SPI1: variants seen among roughly 807,000 people sequenced by gnomAD.
SPI1 encodes Spi-1 proto-oncogene.
SPI1 carries 3 observed loss-of-function variants against 30.7 expected under a neutral mutation model. The ratio of observed to expected loss-of-function variants is 0.10; its 90% CI spans 0.04 to 0.25. The LOEUF (loss-of-function observed/expected upper bound fraction) is 0.25. SPI1 is among the 10% of genes least tolerant of loss of function. The pLI is 1.00. For synonymous variants in SPI1, 169 were observed against 157.1 expected, an observed-to-expected ratio of 1.08 and a Z score of -0.56; for missense variants, 261 against 371.5, an observed-to-expected ratio of 0.70 and a Z score of 2.45.
rs371396849 is a variant in SPI1 at position 47,355,016 on chromosome 11, G to C, written c.*211C>G. On this transcript the variant is annotated 3_prime_UTR_variant, in exon 5 of 5. Transcript: ENST00000378538. ...CCCGGTGGGGTCTGACGCCCAGCTG[G>C]CGTCCGGGAGCCGGGGTGGAGTCCT... The C allele has an allele frequency of 2.2e-4, 79 of 354,554 alleles. 1 individual carries two copies. The highest frequency in any genetic ancestry group is 1.2e-3 in the East Asian group (27 of 21,772). The allele number at this position is 354,554 out of a possible 1,614,324, so 22.0% of individuals were successfully genotyped here.
At chr11:47,364,615 G>T (rs1272138963) in intron 2 of SPI1, among the ~76,000 whole-genome samples, 1 of 152,056 alleles carries the variant, frequency 6.6e-6, no homozygotes, top group Non-Finnish European at 1.5e-5. Flanking sequence ...GGGCTGGAGG[G>T]ACCCTGAGTG....
At chr11:47,357,110 C>T (rs2142879439) in intron 4 of SPI1, among the ~76,000 whole-genome samples, 1 of 151,544 alleles carries the variant, frequency 6.6e-6, no homozygotes, top group Admixed American at 6.6e-5. Context: ...CACATTCACA[C>T]CCACTCACAT....
chr11:47,361,505 C>T (rs2095920740), intron 2 of SPI1, among the ~76,000 whole-genome samples: 1 of 152,192 alleles, frequency 6.6e-6, no homozygotes, highest in Admixed American at 6.5e-5. Context: ...GCATGAACAC[C>T]TTTTCCAGGA....
At chr11:47,376,646 T>C (rs2095942791) in intron 1 of SPI1, among the ~76,000 whole-genome samples, 1 of 150,516 alleles carries the variant, frequency 6.6e-6, no homozygotes, top group Non-Finnish European at 1.5e-5. Context: ...TCCTCCTTCT[T>C]TCCTCCCACC....
chr11:47,364,011 T>C (rs2095924740), intron 2 of SPI1, among the ~76,000 whole-genome samples: 1 of 143,354 alleles, frequency 7.0e-6, no homozygotes, highest in African/African-American at 2.6e-5. Context: ...CTCTGCAAAA[T>C]TATCTAAACC....
Position 47,378,391 on chromosome 11 carries a change from G to GT in SPI1, c.-39dup. 1 of 1,601,892 alleles carries GT rather than the reference G, an allele frequency of 6.2e-7. No homozygotes were observed. The highest frequency in any genetic ancestry group is 8.5e-7 in the Non-Finnish European group (1 of 1,174,328). On this transcript the variant is annotated 5_prime_UTR_variant, in exon 1 of 5. Transcript: ENST00000378538. The stretch of plus-strand genomic sequence containing the variant: ...CGAGTCGGTCAGATCCCCTGCCTCG[G>GT]TGGGGGCCAATGCAGAGCCCCTCAG...
At chr11:47,358,724 T>TGC in intron 4 of SPI1, 120 bp downstream of exon 4, 1 of 957,426 alleles carries the variant, frequency 1.0e-6, no homozygotes. Context: ...CTGGCAAACA[T>TGC]GCACACACAC....
chr11:47,370,710 A>G (rs1229949484), intron 2 of SPI1, among the ~76,000 whole-genome samples: 6 of 152,158 alleles, frequency 3.9e-5, no homozygotes, highest in Non-Finnish European at 8.8e-5. Flanking sequence ...ATAAAAAAAT[A>G]ATAATAATTA....
rs540211284 is a variant in SPI1, at chr11:47,375,359, T to G, written c.142+274A>C. The stretch of plus-strand genomic sequence containing the variant: ...AGTCTCCTAGCACCCTAAGCCTGTT[T>G]CCTTGTTTATAAAGAAGACCACAAG... On this transcript the variant is annotated intron_variant, in intron 2 of 4. Coordinates refer to ENST00000378538, the MANE Select transcript of SPI1 (RefSeq NM_003120.3). The surrounding 1 kb of genome is among the most constrained non-coding windows in gnomAD (Gnocchi z 4.2). Among the ~76,000 whole-genome samples the G allele has an allele frequency of 6.6e-6, 1 of 152,224 alleles. No homozygotes were observed. The highest frequency in any genetic ancestry group is 1.5e-5 in the Non-Finnish European group (1 of 68,042).
At chr11:47,358,505 C>T in intron 4 of SPI1, 1 of 661,594 alleles carries the variant, frequency 1.5e-6, no homozygotes, top group South Asian at 1.7e-5. Context: ...CTCACACACC[C>T]ACTCACACAG....
rs2095914610 is a variant in SPI1 at position 47,358,100 on chromosome 11, C to G, written c.493+744G>C. On this transcript the variant is annotated intron_variant, in intron 4 of 4. Transcript: ENST00000378538. ...ATATACACATACATGCTCACACACC[C>G]CAGCTCACACCTTCCTGCTCACACA... The G allele has an allele frequency of 1.6e-5, 3 of 192,952 alleles. No homozygotes were observed. In the South Asian group the frequency reaches 2.9e-4, roughly 19 times the overall value. The allele number at this position is 192,952 out of a possible 1,614,324, so 12.0% of individuals were successfully genotyped here. A position where few individuals can be genotyped will look rare whatever the true frequency, so the allele number is the denominator to read the frequency against.
At chr11:47,356,165 C>T (rs1028327716) in intron 4 of SPI1, among the ~76,000 whole-genome samples, 1 of 151,636 alleles carries the variant, frequency 6.6e-6, no homozygotes, top group Non-Finnish European at 1.5e-5. Context: ...CCCTCACACA[C>T]TGTCACTTTC....
chr11:47,356,482 C>A (rs893149978), intron 4 of SPI1, among the ~76,000 whole-genome samples: 2 of 149,896 alleles, frequency 1.3e-5, no homozygotes, highest in Non-Finnish European at 3.0e-5. Context: ...CACGGTCACA[C>A]CCAATGCACC....
rs1182813158 is a variant in SPI1 at position 47,374,659 on chromosome 11, A to G, written c.142+974T>C. ...TCCCAGACGCCCTGAGGAATTCCCC[A>G]GTGACGACTCACCCACTGACTAGGC... On this transcript the variant is annotated intron_variant, in intron 2 of 4. Coordinates refer to ENST00000378538, the MANE Select transcript of SPI1 (RefSeq NM_003120.3). The surrounding 1 kb of genome is among the most constrained non-coding windows in gnomAD (Gnocchi z 4.5). Among the ~76,000 whole-genome samples, 1 of 151,384 alleles carries G rather than the reference A, an allele frequency of 6.6e-6. No individual in the cohort carries two copies.
At chr11:47,360,823 C>CAA (rs771338982) in intron 2 of SPI1, among the ~76,000 whole-genome samples, 8 of 100,390 alleles carry the variant, frequency 8.0e-5, no homozygotes, top group African/African-American at 1.9e-4. Flanking sequence ...GACTCTGCCT[C>CAA]AAAAAAAAAA....
intron 2 of SPI1, among the ~76,000 whole-genome samples, chr11:47,362,944 TAAAA>T (rs1186115662): frequency 6.8e-6 from 1 of 146,270 alleles, no homozygotes; most frequent in Non-Finnish European, 1.5e-5. Context: ...TTTTTTTAAC[TAAAA>T]AAAAAAGCCT....
At chr11:47,369,335 C>A (rs1208861084) in intron 2 of SPI1, among the ~76,000 whole-genome samples, 1 of 152,080 alleles carries the variant, frequency 6.6e-6, no homozygotes, top group African/African-American at 2.4e-5. Flanking sequence ...TCTGTCCCCC[C>A]CTTTCTGTCT....
chr11:47,368,190 A>C (rs1401875244), intron 2 of SPI1, among the ~76,000 whole-genome samples: 1 of 152,072 alleles, frequency 6.6e-6, no homozygotes, highest in East Asian at 1.9e-4. Flanking sequence ...ACATGGCAAA[A>C]TCTGTCTCTA....
chr11:47,376,430 A>T (rs528650529), intron 1 of SPI1, among the ~76,000 whole-genome samples: 45 of 151,854 alleles, frequency 3.0e-4, no homozygotes, highest in African/African-American at 1.0e-3. Context: ...CACCACAATG[A>T]CCCTCCACAC....
Sources: gnomAD v4.1 joint callset for allele counts (sites outside exome capture counted in the v4.1 genomes callset) on GRCh38, gnomAD v4.1.1 for gene constraint, Gnocchi (gnomAD v3.1) non-coding constraint, MANE v1.5 for transcripts, NCBI Gene and HGNC (gene_info 2026-07-23, HGNC 2026-07-21) for gene names.